The following MYO16 variants were observed in gnomAD, a reference collection of about 807,000 sequenced individuals.
MYO16 encodes the protein unconventional myosin-XVI.
MYO16 carries 94 observed loss-of-function variants against 205.3 expected under a neutral mutation model. The ratio of observed to expected loss-of-function variants is 0.46; its 90% CI spans 0.39 to 0.54. The LOEUF is 0.54. Among genes scored for constraint, MYO16 ranks in the 20% least tolerant of loss-of-function variants. MYO16 has a pLI of 0.00. For missense variants in MYO16, 2,315 were observed against 2,387.5 expected, an observed-to-expected ratio of 0.97 and a Z score of 0.63; for synonymous variants, 988 against 954.0, an observed-to-expected ratio of 1.04 and a Z score of -0.66.
the MYO16 span, among the ~76,000 whole-genome samples, chr13:108,585,525 G>T: frequency 6.6e-6 from 1 of 152,148 alleles, no homozygotes; most frequent in Non-Finnish European, 1.5e-5. Flanking sequence ...TTAAACGGGT[G>T]CCTGGCTCTT....
chr13:108,781,675 T>C (rs1886308505), intron 4 of MYO16, among the ~76,000 whole-genome samples: 1 of 151,658 alleles, frequency 6.6e-6, no homozygotes, highest in African/African-American at 2.4e-5. Context: ...ATGGTTTGCC[T>C]GTGTCCCCAC....
the MYO16 span, among the ~76,000 whole-genome samples, chr13:108,554,540 A>T: frequency 6.6e-6 from 1 of 152,184 alleles, no homozygotes; most frequent in East Asian, 1.9e-4. Flanking sequence ...CCACATTTAT[A>T]ATATTTTATT....
At chr13:108,948,970 T>C (rs1374950994) in intron 16 of MYO16, among the ~76,000 whole-genome samples, 3 of 152,252 alleles carry the variant, frequency 2.0e-5, no homozygotes, top group African/African-American at 7.2e-5. Flanking sequence ...GCCTGCTCTT[T>C]GTTGTCAGGA....
At chr13:109,182,063 C>T (rs1027305607) in intron 34 of MYO16, among the ~76,000 whole-genome samples, 1 of 152,134 alleles carries the variant, frequency 6.6e-6, no homozygotes, top group African/African-American at 2.4e-5. Context: ...AGTGATCCGT[C>T]CGCCTCGGCC....
the MYO16 span, among the ~76,000 whole-genome samples, chr13:108,503,989 G>C: frequency 6.6e-6 from 1 of 151,788 alleles, no homozygotes; most frequent in Non-Finnish European, 1.5e-5. Flanking sequence ...CCTTTACTTG[G>C]TGTCAGTTTT....
At chr13:108,791,110 T>G (rs1240375263) in intron 5 of MYO16, among the ~76,000 whole-genome samples, 2 of 152,110 alleles carry the variant, frequency 1.3e-5, no homozygotes, top group African/African-American at 2.4e-5. Flanking sequence ...ATCCTAAAAG[T>G]CAGAATAAGT....
At chr13:108,927,395 G>T (rs1040308651) in intron 16 of MYO16, among the ~76,000 whole-genome samples, 11 of 152,060 alleles carry the variant, frequency 7.2e-5, no homozygotes, top group African/African-American at 2.7e-4. Context: ...TGATGCCTCT[G>T]GTATAATGGG....
chr13:108,636,346 CTTTTTTTTTTTTT>C lies in MYO16; in HGVS notation c.28+6486_28+6498del, dbSNP rs71125326. Among the ~76,000 whole-genome samples the C allele has an allele frequency of 4.5e-3, 364 of 81,326 alleles. 3 individuals carry two copies. Among genetic ancestry groups the C allele is most frequent in the South Asian group, 0.01 (24 of 2,330 alleles). The allele number at this position is 81,326 out of a possible 152,430, so 53.4% of individuals were successfully genotyped here. A position where few individuals can be genotyped will look rare whatever the true frequency, so the allele number is the denominator to read the frequency against. On this transcript the variant is annotated intron_variant, in intron 1 of 34. Transcript: ENST00000457511. ...TAGTCTTAAATGAAAAAATATTTCCCTTTTTTTTTTTTTTTTTTTTTTTTGTGTGTGTGTGTGT... is the reference window on the plus strand; with the variant it reads ...TAGTCTTAAATGAAAAAATATTTCCCTTTTTTTTTTTGTGTGTGTGTGTGT...
At chr13:108,587,909 G>A in the MYO16 span, among the ~76,000 whole-genome samples, 1 of 144,888 alleles carries the variant, frequency 6.9e-6, no homozygotes, top group Non-Finnish European at 1.5e-5. Flanking sequence ...AAATATATCT[G>A]AATATAGCCA....
chr13:109,180,727 T>C (rs1025310161), intron 34 of MYO16, among the ~76,000 whole-genome samples: 1 of 152,246 alleles, frequency 6.6e-6, no homozygotes, highest in Non-Finnish European at 1.5e-5. Flanking sequence ...CTGAAATCAC[T>C]TGCACTGATA....
chr13:108,592,037 A>T (rs947953186), upstream of MYO16, among the ~76,000 whole-genome samples: 2 of 150,324 alleles, frequency 1.3e-5, no homozygotes, highest in African/African-American at 4.9e-5. Flanking sequence ...ACATAAGATT[A>T]AAAAAATTTA....
intron 2 of MYO16, among the ~76,000 whole-genome samples, chr13:108,708,368 C>T (rs1387790641): frequency 6.6e-6 from 1 of 152,202 alleles, no homozygotes; most frequent in Non-Finnish European, 1.5e-5. Flanking sequence ...GAAGTCTTCA[C>T]ATTGATGTTT....
At chr13:108,728,982 TTTC>T (rs1484703955) in intron 4 of MYO16, among the ~76,000 whole-genome samples, 8 of 23,258 alleles carry the variant, frequency 3.4e-4, no homozygotes, top group South Asian at 4.3e-3. Flanking sequence ...ATATGTACAC[TTTC>T]TTTTTTTTTT....
intron 27 of MYO16, among the ~76,000 whole-genome samples, chr13:109,060,889 T>C (rs1002978746): frequency 6.6e-6 from 1 of 152,204 alleles, no homozygotes; most frequent in African/African-American, 2.4e-5. Flanking sequence ...CTAGGTGGCA[T>C]CTTCTTCCAA....
At chr13:108,896,323 A>G (rs1381714797) in intron 14 of MYO16, among the ~76,000 whole-genome samples, 1 of 152,126 alleles carries the variant, frequency 6.6e-6, no homozygotes, top group Non-Finnish European at 1.5e-5. Context: ...TACATATTTC[A>G]TATTAGATTA....
chr13:108,520,491 C>A, the MYO16 span, among the ~76,000 whole-genome samples: 1 of 152,090 alleles, frequency 6.6e-6, no homozygotes, highest in African/African-American at 2.4e-5. Context: ...CTCAGTTTAG[C>A]AATTTGCAAA....
chr13:108,725,053 A>G (rs1172893045), intron 3 of MYO16, among the ~76,000 whole-genome samples: 11 of 151,994 alleles, frequency 7.2e-5, no homozygotes, highest in Admixed American at 2.0e-4. Flanking sequence ...TTTGGATTTC[A>G]TTCATCTTTT....
chr13:109,158,762 T>C lies in MYO16; in HGVS notation c.5165-6139T>C, dbSNP rs535928144. Among the ~76,000 whole-genome samples, 3 of 152,278 alleles carry C rather than the reference T, an allele frequency of 2.0e-5. No homozygotes were observed. The East Asian group carries it at 5.8e-4, about 29-fold the overall frequency. Reference sequence around the variant, plus strand: ...TAATAATAAAGATGAAAAATGAACATTTAGAGAGTTAAGTGGACATTTATT... The same window carrying C: ...TAATAATAAAGATGAAAAATGAACACTTAGAGAGTTAAGTGGACATTTATT... On this transcript the variant is annotated intron_variant, in intron 32 of 34. Transcript: ENST00000457511.
intron 16 of MYO16, among the ~76,000 whole-genome samples, chr13:108,951,967 G>A (rs988930930): frequency 6.6e-6 from 1 of 151,982 alleles, no homozygotes; most frequent in South Asian, 2.1e-4. Flanking sequence ...TTCGCCAGAC[G>A]TGGTGGTGGG....
Sources: allele counts gnomAD v4.1 joint callset (sites outside exome capture counted in the v4.1 genomes callset), GRCh38; gene constraint gnomAD v4.1.1; transcripts MANE v1.5; gene names NCBI Gene and HGNC (gene_info 2026-07-23, HGNC 2026-07-21).